The following TCF3 variants were observed in gnomAD, a reference collection of about 807,000 sequenced individuals.
TCF3 encodes the protein transcription factor 3, also known as transcription factor E2-alpha.
A neutral mutation model predicts 72.3 loss-of-function variants in TCF3; 54 were observed. The ratio of observed to expected loss-of-function variants is 0.75; its 90% CI spans 0.60 to 0.94. The LOEUF (loss-of-function observed/expected upper bound fraction) is 0.94, where lower values mean the gene tolerates loss of function less well. TCF3 is among the 40% of genes least tolerant of loss of function. TCF3 has a pLI of 0.00. For synonymous variants in TCF3, 525 were observed against 412.6 expected (o/e 1.27, Z -3.30); for missense variants, 1,078 against 934.4 (o/e 1.15, Z -2.00).
rs972946120 is a variant in TCF3, at chr19:1,633,544, T to C, written c.146-1139A>G. 2.6e-5 allele frequency among the ~76,000 whole-genome samples: 4 copies of C among 152,104 alleles called. No individual in the cohort carries two copies. In the East Asian group the frequency reaches 5.8e-4, roughly 22 times the overall value. On this transcript the variant is annotated intron_variant, in intron 3 of 18. Coordinates refer to ENST00000262965, the MANE Select transcript of TCF3 (RefSeq NM_003200.5). ...ATTTCGGTGCCTTTGTGTTAATCATTCCCCCCGGGGAGTATTGGTGTTTAA... is the reference window on the plus strand; with the variant it reads ...ATTTCGGTGCCTTTGTGTTAATCATCCCCCCCGGGGAGTATTGGTGTTTAA...
chr19:1,651,707 CCGGTGCAGG>C lies in TCF3; in HGVS notation c.-40+584_-40+592del, dbSNP rs918697015. ...AAGCCGGACCCCCCTCCCCCCGCAGCCGGTGCAGGCGGTGCGGCCCGGGAGCCTTTGAAG... is the reference window on the plus strand; with the variant it reads ...AAGCCGGACCCCCCTCCCCCCGCAGCCGGTGCGGCCCGGGAGCCTTTGAAG... On this transcript the variant is annotated intron_variant, in intron 1 of 18. Coordinates refer to ENST00000262965, the MANE Select transcript of TCF3 (RefSeq NM_003200.5). 3.6e-4 allele frequency among the ~76,000 whole-genome samples: 55 copies of C among 151,998 alleles called. 1 individual carries two copies. The highest frequency in any genetic ancestry group is 8.3e-4 in the South Asian group (4 of 4,812).
At chr19:1,617,492 G>A (rs2061672826) in intron 16 of TCF3, among the ~76,000 whole-genome samples, 1 of 152,242 alleles carries the variant, frequency 6.6e-6, no homozygotes, top group Non-Finnish European at 1.5e-5. Flanking sequence ...GCATTCAGCA[G>A]GGCCTGGGCC....
At chr19:1,645,024 G>T (rs544170695) in intron 3 of TCF3, among the ~76,000 whole-genome samples, 1 of 152,230 alleles carries the variant, frequency 6.6e-6, no homozygotes, top group Non-Finnish European at 1.5e-5. Context: ...AGCATATTCC[G>T]GCCAGCCCTG....
chr19:1,630,761 G>A (rs573207599), intron 5 of TCF3, among the ~76,000 whole-genome samples: 89 of 152,314 alleles, frequency 5.8e-4, no homozygotes, highest in Admixed American at 5.9e-4. Context: ...GGCTGACCAC[G>A]ACAGCGGGAC....
Position 1,611,050 on chromosome 19 carries a change from C to T in TCF3, c.*657G>A, listed in dbSNP as rs1020681005. ...ACAGCAGCAGAAATAGCGAGAGACA[C>T]GGGACTTTTATACAAAAAAATTTGT... On this transcript the variant is annotated 3_prime_UTR_variant, in exon 19 of 19. Coordinates refer to ENST00000262965, the MANE Select transcript of TCF3 (RefSeq NM_003200.5). 1 of 227,694 alleles carries T rather than the reference C, an allele frequency of 4.4e-6. No individual in the cohort carries two copies. Among genetic ancestry groups the T allele is most frequent in the African/African-American group, 2.2e-5 (1 of 44,544 alleles). 14.1% of individuals were successfully genotyped at this position (227,694 alleles called of 1,614,324 possible). A position where few individuals can be genotyped will look rare whatever the true frequency, so the allele number is the denominator to read the frequency against.
Position 1,610,831 on chromosome 19 carries a change from C to A in TCF3, c.*876G>T, listed in dbSNP as rs2060926464. The A allele has an allele frequency of 4.6e-6, 1 of 215,760 alleles. No individual in the cohort carries two copies. Among genetic ancestry groups the A allele is most frequent in the Admixed American group, 6.0e-5 (1 of 16,530 alleles). 13.4% of individuals were successfully genotyped at this position (215,760 alleles called of 1,614,324 possible). A position where few individuals can be genotyped will look rare whatever the true frequency, so the allele number is the denominator to read the frequency against. ...CCTTCATCAGGGAACGCCCACGCAT[C>A]ACTTTCCACATGACAAAACCAAGAG... On this transcript the variant is annotated 3_prime_UTR_variant, in exon 19 of 19. Transcript: ENST00000262965.
At chr19:1,611,873 G>A (rs751555173) in intron 18 of TCF3, 24 bp from the exon 19 acceptor site, 1 of 1,558,864 alleles carries the variant, frequency 6.4e-7, no homozygotes, top group African/African-American at 1.4e-5. Flanking sequence ...GGAGAGCTCT[G>A]TGGGAGACGG....
intron 7 of TCF3, among the ~76,000 whole-genome samples, chr19:1,624,532 C>G (rs991297147): frequency 1.3e-5 from 2 of 152,204 alleles, no homozygotes; most frequent in African/African-American, 4.8e-5. Flanking sequence ...GATTCTAAGC[C>G]AAGGCTCTGC....
At position 1,619,799 on chromosome 19, in the gene TCF3, T is replaced by C. The variant is rs748192533; in HGVS notation, c.1148A>G (p.Asp383Gly). The C allele has an allele frequency of 6.4e-7, 1 of 1,561,910 alleles. No homozygotes were observed. The highest frequency in any genetic ancestry group is 8.7e-7 in the Non-Finnish European group (1 of 1,154,076). ...GAPGALSPSY[D>G]GGLHGLQSKI... The stretch of plus-strand genomic sequence containing the variant: ...ACTCACCAGGCCGTGGAGACCCCCG[T>C]CGTAGCTGGGCGATAAGGCACCGGG... Residue 383 changes from aspartate to glycine, a missense_variant, in exon 14 of 19, where the codon GAC becomes GGC. Physicochemically the swap from Asp to Gly is moderately conservative, Grantham distance 94. Coordinates refer to ENST00000262965, the MANE Select transcript of TCF3 (RefSeq NM_003200.5).
In TCF3 at chr19:1,650,165, G is replaced by C. The variant is rs1199856526; in HGVS notation, c.72+12C>G. The stretch of plus-strand genomic sequence containing the variant: ...AAGGGGTGTCGGGGGCTGGGCGGGG[G>C]TCCTGGCTCACCATGCTGAAGTCCA... On this transcript the variant is annotated intron_variant, in intron 2 of 18. Coordinates refer to ENST00000262965, the MANE Select transcript of TCF3 (RefSeq NM_003200.5). 1.3e-6 allele frequency: 2 copies of C among 1,562,508 alleles called. No individual in the cohort carries two copies. The highest frequency in any genetic ancestry group is 1.2e-5 in the South Asian group (1 of 84,988).
chr19:1,629,315 G>T (rs962113216), intron 5 of TCF3, among the ~76,000 whole-genome samples: 1 of 150,832 alleles, frequency 6.6e-6, no homozygotes, highest in Non-Finnish European at 1.5e-5. Flanking sequence ...ACCGCATCAG[G>T]TTCACCGCAC....
chr19:1,648,235 C>CG (rs1187279481), intron 2 of TCF3, among the ~76,000 whole-genome samples: 3 of 152,224 alleles, frequency 2.0e-5, no homozygotes, highest in Non-Finnish European at 4.4e-5. Context: ...GACCCAGCCT[C>CG]GGCAGGGGCA....
At chr19:1,648,974 G>A (rs887133620) in intron 2 of TCF3, among the ~76,000 whole-genome samples, 20 of 152,196 alleles carry the variant, frequency 1.3e-4, no homozygotes, top group Admixed American at 9.2e-4. Context: ...GTCAGCGGCC[G>A]GTACCCCAGG....
chr19:1,637,632 G>A (rs972783713), intron 3 of TCF3, among the ~76,000 whole-genome samples: 12 of 152,284 alleles, frequency 7.9e-5, no homozygotes, highest in African/African-American at 2.2e-4. Context: ...ACCCGGGGCC[G>A]GGCACGGTGG....
At chr19:1,612,330 C>G in intron 18 of TCF3, 1 of 1,613,954 alleles carries the variant, frequency 6.2e-7, no homozygotes, top group Non-Finnish European at 8.5e-7. Flanking sequence ...CGGAAGGCCT[C>G]GTTAATATCC....
intron 3 of TCF3, among the ~76,000 whole-genome samples, chr19:1,642,269 C>T (rs532033259): frequency 5.4e-4 from 82 of 151,606 alleles, no homozygotes; most frequent in Admixed American, 1.6e-3. Flanking sequence ...CACACACGCA[C>T]GCACACGCAC....
At chr19:1,628,980 G>A (rs867590950) in intron 5 of TCF3, among the ~76,000 whole-genome samples, 3 of 57,582 alleles carry the variant, frequency 5.2e-5, no homozygotes, top group Admixed American at 3.2e-4. Flanking sequence ...CAGGGGGTGA[G>A]GCGGGAAGGG....
At chr19:1,642,217 C>G (rs1232901390) in intron 3 of TCF3, among the ~76,000 whole-genome samples, 1 of 151,628 alleles carries the variant, frequency 6.6e-6, no homozygotes, top group Non-Finnish European at 1.5e-5. Flanking sequence ...CACACACGCG[C>G]AGACGCACAG....
intron 3 of TCF3, among the ~76,000 whole-genome samples, chr19:1,643,726 G>A (rs893029561): frequency 2.0e-5 from 3 of 152,174 alleles, no homozygotes; most frequent in South Asian, 2.1e-4. Flanking sequence ...TATAAATATC[G>A]AAGAACAGGC....
Sources: gnomAD v4.1 joint callset for allele counts (sites outside exome capture counted in the v4.1 genomes callset) on GRCh38, gnomAD v4.1.1 for gene constraint, MANE v1.5 for transcripts, NCBI Gene and HGNC (gene_info 2026-07-23, HGNC 2026-07-21) for gene names.